The following CLNK variants were observed in gnomAD, a reference collection of about 807,000 sequenced individuals.
The protein encoded by CLNK is cytokine-dependent hematopoietic cell linker.
A neutral mutation model predicts 68.6 loss-of-function variants in CLNK; 74 were observed. That is an observed-to-expected ratio of 1.08 (90% confidence interval 0.89 to 1.31). The LOEUF is 1.31. CLNK is among the 50% of genes most tolerant of loss of function. The pLI is 0.00. For missense variants in CLNK, 553 were observed against 515.3 expected (o/e 1.07, Z -0.71); for synonymous variants, 198 against 172.2 (o/e 1.15, Z -1.17).
intron 14 of CLNK, among the ~76,000 whole-genome samples, chr4:10,521,612 T>G (rs1473325996): frequency 6.6e-6 from 1 of 152,244 alleles, no homozygotes; most frequent in East Asian, 1.9e-4. Context: ...TGAAATCACC[T>G]GAGCATATAT....
intron 2 of CLNK, among the ~76,000 whole-genome samples, chr4:10,647,876 C>T (rs1403592453): frequency 1.3e-5 from 2 of 152,188 alleles, no homozygotes; most frequent in Non-Finnish European, 2.9e-5. Context: ...AGATGCTCCT[C>T]CTCTTATCCT....
At chr4:10,600,018 C>G (rs1001843798) in intron 2 of CLNK, among the ~76,000 whole-genome samples, 1 of 152,164 alleles carries the variant, frequency 6.6e-6, no homozygotes, top group Non-Finnish European at 1.5e-5. Flanking sequence ...AGATAAAACC[C>G]AAACTCTTAA....
intron 8 of CLNK, among the ~76,000 whole-genome samples, chr4:10,554,002 C>G (rs558409293): frequency 3.4e-4 from 52 of 152,222 alleles, no homozygotes; most frequent in African/African-American, 1.3e-3. Flanking sequence ...GGATGCTGTG[C>G]CTTAGTTACA....
chr4:10,624,606 T>G (rs1469336277), intron 2 of CLNK, among the ~76,000 whole-genome samples: 10 of 151,190 alleles, frequency 6.6e-5, no homozygotes, highest in East Asian at 1.9e-4. Flanking sequence ...TTTTTTTTTT[T>G]TTTTTTTTTT....
Position 10,551,431 on chromosome 4 carries a change from A to ATAT in CLNK, c.445+6975_445+6976insATA, listed in dbSNP as rs144035918. On this transcript the variant is annotated intron_variant, in intron 8 of 18. Transcript: ENST00000226951. ...GGCTAATTTTTTTGTATATATATAT[A>ATAT]TTTTTTTTTAGTAGAGTTGGGGTTT... 2.6e-3 allele frequency among the ~76,000 whole-genome samples: 388 copies of ATAT among 149,386 alleles called. 1 individual carries two copies. Among genetic ancestry groups the ATAT allele is most frequent in the Admixed American group, 4.9e-3 (74 of 15,072 alleles).
chr4:10,728,741 A>G, the CLNK span, among the ~76,000 whole-genome samples: 1 of 151,196 alleles, frequency 6.6e-6, no homozygotes, highest in South Asian at 2.1e-4. Context: ...GGCGCCTGCC[A>G]CCACGCCTGG....
At chr4:10,622,804 G>C (rs1440873859) in intron 2 of CLNK, among the ~76,000 whole-genome samples, 2 of 152,080 alleles carry the variant, frequency 1.3e-5, no homozygotes, top group African/African-American at 4.8e-5. Context: ...TCACAGTTCT[G>C]GTGGCTGGAA....
intron 5 of CLNK, among the ~76,000 whole-genome samples, 179 bp from the exon 6 acceptor site, chr4:10,566,329 A>T (rs2108824036): frequency 1.3e-5 from 2 of 152,338 alleles, no homozygotes; most frequent in Middle Eastern, 6.8e-3. Flanking sequence ...AATTCTAAAG[A>T]TATCTCCCAA....
At chr4:10,543,490 G>A (rs1719115126) in intron 8 of CLNK, among the ~76,000 whole-genome samples, 1 of 152,156 alleles carries the variant, frequency 6.6e-6, no homozygotes, top group South Asian at 2.1e-4. Context: ...ACCATGTGCT[G>A]AAGAGCTTCC....
At chr4:10,666,957 C>A (rs1309923336) in intron 2 of CLNK, among the ~76,000 whole-genome samples, 4 of 152,228 alleles carry the variant, frequency 2.6e-5, no homozygotes, top group African/African-American at 7.2e-5. Context: ...CCAGTGCCCA[C>A]CTGCGAGGTA....
chr4:10,559,506 T>A (rs1176966417), intron 7 of CLNK, among the ~76,000 whole-genome samples: 1 of 152,182 alleles, frequency 6.6e-6, no homozygotes, highest in African/African-American at 2.4e-5. Flanking sequence ...TTGTGCACGC[T>A]CATCTTTTAA....
chr4:10,726,772 A>G, the CLNK span, among the ~76,000 whole-genome samples: 33,106 of 152,116 alleles, frequency 0.22, 4,171 homozygotes, highest in East Asian at 0.38. Context: ...ACCTCCACCC[A>G]TGATAAACCA....
At chr4:10,725,012 G>A in the CLNK span, among the ~76,000 whole-genome samples, 1 of 152,186 alleles carries the variant, frequency 6.6e-6, no homozygotes, top group Non-Finnish European at 1.5e-5. Context: ...TGTGAAGAAG[G>A]GGTGAGGAGG....
chr4:10,721,753 G>A, the CLNK span, among the ~76,000 whole-genome samples: 3 of 152,272 alleles, frequency 2.0e-5, no homozygotes, highest in African/African-American at 4.8e-5. Context: ...GAAGGAGCAC[G>A]GCATGACCTC....
Position 10,507,843 on chromosome 4 carries a change from G to C in CLNK, c.984+116C>G, listed in dbSNP as rs188335506. On this transcript the variant is annotated intron_variant, in intron 17 of 18. Transcript: ENST00000226951. The stretch of plus-strand genomic sequence containing the variant: ...GCCTCCCAGCACTGAGAAATGCAGG[G>C]TGATGCAGGAAATAATACATGAAAG... 6.5e-5 allele frequency: 48 copies of C among 739,762 alleles called. No individual in the cohort carries two copies. The African/African-American group carries it at 7.8e-4, about 12-fold the overall frequency. The allele number at this position is 739,762 out of a possible 1,614,324, so 45.8% of individuals were successfully genotyped here. A position where few individuals can be genotyped will look rare whatever the true frequency, so the allele number is the denominator to read the frequency against.
At chr4:10,654,483 G>T (rs1387368807) in intron 2 of CLNK, among the ~76,000 whole-genome samples, 1 of 148,102 alleles carries the variant, frequency 6.8e-6, no homozygotes, top group African/African-American at 2.5e-5. Flanking sequence ...TGCATTTTGT[G>T]GTGAAACATT....
chr4:10,533,985 A>G (rs558678618), intron 11 of CLNK, among the ~76,000 whole-genome samples: 15 of 152,360 alleles, frequency 9.8e-5, no homozygotes, highest in African/African-American at 3.6e-4. Flanking sequence ...AAGAAATTAA[A>G]TTTATAAATA....
In CLNK at chr4:10,489,752, C is replaced by T. The variant is rs1368713632; in HGVS notation, c.*715G>A. ...CGCGATTTCGGCTCACTGCAAGCTC[C>T]GCCTCCCGGGTTCACACCATTCTCC... On this transcript the variant is annotated 3_prime_UTR_variant, in exon 19 of 19. Coordinates refer to ENST00000226951, the MANE Select transcript of CLNK (RefSeq NM_052964.4). 1.1e-5 allele frequency: 1 copy of T among 90,710 alleles called. No individual in the cohort carries two copies. Among genetic ancestry groups the T allele is most frequent in the African/African-American group, 3.6e-5 (1 of 28,002 alleles). The allele number at this position is 90,710 out of a possible 1,614,324, so 5.6% of individuals were successfully genotyped here.
intron 17 of CLNK, among the ~76,000 whole-genome samples, chr4:10,506,120 A>G (rs1717281214): frequency 6.6e-6 from 1 of 152,170 alleles, no homozygotes; most frequent in Admixed American, 6.5e-5. Context: ...TTCTCTGCAC[A>G]TAGTCATCAT....
Sources: gnomAD v4.1 joint callset for allele counts (sites outside exome capture counted in the v4.1 genomes callset) on GRCh38, gnomAD v4.1.1 for gene constraint, MANE v1.5 for transcripts, NCBI Gene and HGNC (gene_info 2026-07-23, HGNC 2026-07-21) for gene names.